RPH3A: variants seen among roughly 807,000 people sequenced by gnomAD.
The protein encoded by RPH3A is rabphilin-3A.
A neutral mutation model predicts 102.2 loss-of-function variants in RPH3A; 48 were observed. The observed-to-expected ratio is 0.47, with a 90% CI of 0.37 to 0.60. The LOEUF is 0.60. Ranked by LOEUF, RPH3A falls within the 20% of genes least tolerant of loss-of-function variation. The pLI is 0.00. For missense variants in RPH3A, 781 were observed against 910.1 expected (o/e 0.86, Z 1.83); for synonymous variants, 310 against 324.3 (o/e 0.96, Z 0.47).
At chr12:112,600,711 C>T (rs2039551721) in intron 1 of RPH3A, among the ~76,000 whole-genome samples, 1 of 152,238 alleles carries the variant, frequency 6.6e-6, no homozygotes, top group Non-Finnish European at 1.5e-5. Flanking sequence ...GTTCCAACCT[C>T]TGCCTGTTGC....
chr12:112,611,586 G>A (rs1231591035), intron 1 of RPH3A, among the ~76,000 whole-genome samples: 13 of 151,936 alleles, frequency 8.6e-5, no homozygotes, highest in South Asian at 2.1e-4. Context: ...TTACAGGTGC[G>A]CACCACCACG....
chr12:112,655,143 C>G (rs1027358876), intron 1 of RPH3A, among the ~76,000 whole-genome samples: 1 of 152,216 alleles, frequency 6.6e-6, no homozygotes, highest in Non-Finnish European at 1.5e-5. Context: ...CAGAGCAAGA[C>G]GGTTATCCTG....
chr12:112,803,567 C>T (rs2041397884), intron 2 of RPH3A, among the ~76,000 whole-genome samples: 1 of 151,568 alleles, frequency 6.6e-6, no homozygotes, highest in African/African-American at 2.4e-5. Context: ...TCAGTTCCCC[C>T]AGTTTACACT....
At chr12:112,606,530 G>C (rs1022680138) in intron 1 of RPH3A, among the ~76,000 whole-genome samples, 1 of 151,026 alleles carries the variant, frequency 6.6e-6, no homozygotes, top group East Asian at 1.9e-4. Flanking sequence ...TACAGTGCCC[G>C]CCACTATGGC....
intron 3 of RPH3A, among the ~76,000 whole-genome samples, chr12:112,829,254 C>T (rs1260328710): frequency 1.3e-5 from 2 of 151,164 alleles, no homozygotes; most frequent in African/African-American, 2.5e-5. Flanking sequence ...TGTGGCTTGC[C>T]CAAAGAGAAA....
chr12:112,788,409 G>A (rs1047952823), upstream of RPH3A, among the ~76,000 whole-genome samples: 3 of 152,172 alleles, frequency 2.0e-5, no homozygotes, highest in African/African-American at 4.8e-5. Context: ...GCCTCTAGGG[G>A]GCCTGGTTTA....
At chr12:112,637,479 T>C (rs2039856679) in intron 1 of RPH3A, among the ~76,000 whole-genome samples, 1 of 152,166 alleles carries the variant, frequency 6.6e-6, no homozygotes, top group Non-Finnish European at 1.5e-5. Flanking sequence ...GGAAATGTGT[T>C]GTATTAGAAG....
At chr12:112,792,810 G>A (rs1219373123) in intron 2 of RPH3A, among the ~76,000 whole-genome samples, 1 of 152,226 alleles carries the variant, frequency 6.6e-6, no homozygotes, top group African/African-American at 2.4e-5. Context: ...GAGGTTGGCT[G>A]TTCACGCTTT....
chr12:112,593,273 T>C (rs974687322), intron 1 of RPH3A, among the ~76,000 whole-genome samples: 9 of 152,162 alleles, frequency 5.9e-5, no homozygotes, highest in African/African-American at 2.2e-4. Context: ...GCCTCCAGAA[T>C]TGTGAGAAAC....
intron 1 of RPH3A, among the ~76,000 whole-genome samples, chr12:112,750,902 C>G (rs948034296): frequency 6.6e-6 from 1 of 152,074 alleles, no homozygotes; most frequent in Non-Finnish European, 1.5e-5. Context: ...GCCTTCTCTC[C>G]CCTTGTATGG....
chr12:112,714,260 T>C (rs1252052503), intron 1 of RPH3A, among the ~76,000 whole-genome samples: 1 of 152,134 alleles, frequency 6.6e-6, no homozygotes, highest in Non-Finnish European at 1.5e-5. Flanking sequence ...GTCACAGCAG[T>C]GCATCTTGAG....
intron 5 of RPH3A, among the ~76,000 whole-genome samples, chr12:112,848,301 G>A (rs1407565252): frequency 6.6e-6 from 1 of 152,172 alleles, no homozygotes; most frequent in Non-Finnish European, 1.5e-5. Context: ...AGGACAGAGA[G>A]TAGGTAAAAA....
At chr12:112,682,458 T>C (rs1258210232) in intron 1 of RPH3A, among the ~76,000 whole-genome samples, 1 of 151,278 alleles carries the variant, frequency 6.6e-6, no homozygotes. Context: ...CTTCTGAAAA[T>C]ATTCTCACCA....
At chr12:112,676,741 G>A (rs1284058890) in intron 1 of RPH3A, among the ~76,000 whole-genome samples, 2 of 152,182 alleles carry the variant, frequency 1.3e-5, no homozygotes, top group Non-Finnish European at 2.9e-5. Flanking sequence ...CCCTCTTAGA[G>A]CACACCGTAG....
chr12:112,686,618 T>C (rs560151269), intron 1 of RPH3A, among the ~76,000 whole-genome samples: 2 of 152,150 alleles, frequency 1.3e-5, no homozygotes, highest in South Asian at 4.1e-4. Flanking sequence ...AACTTCCAGA[T>C]ATGCAAGTGA....
intron 16 of RPH3A, among the ~76,000 whole-genome samples, chr12:112,884,507 G>A (rs545753212): frequency 4.6e-4 from 70 of 152,236 alleles, no homozygotes; most frequent in African/African-American, 1.4e-3. Flanking sequence ...AGTTTATTTA[G>A]CCAATTCCCT....
intron 1 of RPH3A, among the ~76,000 whole-genome samples, chr12:112,580,394 C>CTTTTTTT (rs773931202): frequency 8.6e-4 from 66 of 76,958 alleles, no homozygotes; most frequent in African/African-American, 2.1e-3. Context: ...TTTGTCTTGT[C>CTTTTTTT]TTTTTTTTTT....
In RPH3A at chr12:112,841,630, T is replaced by A. The variant is rs114578401; in HGVS notation, c.83+5128T>A. Among the ~76,000 whole-genome samples the A allele has an allele frequency of 5.0e-3, 760 of 152,210 alleles. 4 individuals are homozygous for A. Among genetic ancestry groups the A allele is most frequent in the African/African-American group, 0.017 (720 of 41,548 alleles). On this transcript the variant is annotated intron_variant, in intron 4 of 21. Coordinates refer to ENST00000389385, the MANE Select transcript of RPH3A (RefSeq NM_001143854.2). ...TACAGTCCAGAGAGATAGAATACTT[T>A]CCCCAAAGTCACAGAGTGCCAGGGT...
At chr12:112,594,639 G>A (rs142940255) in intron 1 of RPH3A, among the ~76,000 whole-genome samples, 8 of 152,330 alleles carry the variant, frequency 5.3e-5, no homozygotes, top group Admixed American at 1.3e-4. Context: ...AACAGATTCT[G>A]TTCCTGCCCT....
Sources: allele counts gnomAD v4.1 joint callset (sites outside exome capture counted in the v4.1 genomes callset), GRCh38; gene constraint gnomAD v4.1.1; transcripts MANE v1.5; gene names NCBI Gene and HGNC (gene_info 2026-07-23, HGNC 2026-07-21).